SLC71A2: variants seen among roughly 807,000 people sequenced by gnomAD.
The protein encoded by SLC71A2 is hippocampus abundant transcript-like 1.
the SLC71A2 span, chr9:94,459,409 G>A: frequency 6.2e-7 from 1 of 1,613,522 alleles, no homozygotes; most frequent in Non-Finnish European, 8.5e-7. Context: ...GCACTGAGCT[G>A]TAAACTCGGC....
At chr9:94,375,204 C>T in the SLC71A2 span, among the ~76,000 whole-genome samples, 1 of 151,940 alleles carries the variant, frequency 6.6e-6, no homozygotes, top group Admixed American at 6.5e-5. Flanking sequence ...GTTCTCCGTC[C>T]CTGTAACAGT....
chr9:94,456,672 TAATGAAA>T, the SLC71A2 span, among the ~76,000 whole-genome samples: 1 of 152,208 alleles, frequency 6.6e-6, no homozygotes, highest in South Asian at 2.1e-4. Flanking sequence ...GTCTATTAAA[TAATGAAA>T]AACCAGTTAA....
At chr9:94,459,595 CTTTT>C in the SLC71A2 span, 7 of 457,696 alleles carry the variant, frequency 1.5e-5, no homozygotes, top group Admixed American at 1.9e-4. Context: ...CTCTTACATT[CTTTT>C]TTTTTTTCCT....
At chr9:94,456,180 C>A in the SLC71A2 span, 1 of 1,177,174 alleles carries the variant, frequency 8.5e-7, no homozygotes, top group Non-Finnish European at 1.3e-6. Context: ...GATTGCATTC[C>A]GAATAGTGAG....
the SLC71A2 span, among the ~76,000 whole-genome samples, chr9:94,415,991 G>A: frequency 2.6e-5 from 4 of 152,176 alleles, no homozygotes; most frequent in Non-Finnish European, 5.9e-5. Context: ...TTGTAGGAGT[G>A]TCTAAATTTC....
At chr9:94,429,673 TTTAA>T in the SLC71A2 span, among the ~76,000 whole-genome samples, 1 of 152,118 alleles carries the variant, frequency 6.6e-6, no homozygotes, top group East Asian at 1.9e-4. Flanking sequence ...AGCCACTTGA[TTTAA>T]TTAGTCTTAA....
At chr9:94,456,429 C>A in the SLC71A2 span, 1 of 911,250 alleles carries the variant, frequency 1.1e-6, no homozygotes, top group Non-Finnish European at 1.8e-6. Context: ...CCATCAACAG[C>A]AGGAGCCGAC....
chr9:94,459,367 G>T, the SLC71A2 span: 2 of 1,614,104 alleles, frequency 1.2e-6, no homozygotes, highest in South Asian at 1.1e-5. Context: ...GCATCTGGGA[G>T]CTCTCTTCAT....
At chr9:94,416,050 T>C in the SLC71A2 span, among the ~76,000 whole-genome samples, 1 of 152,244 alleles carries the variant, frequency 6.6e-6, no homozygotes. Context: ...TGGTATTGAA[T>C]ATCTTAGCAA....
the SLC71A2 span, among the ~76,000 whole-genome samples, chr9:94,416,894 T>C: frequency 2.6e-5 from 4 of 152,082 alleles, no homozygotes; most frequent in African/African-American, 9.6e-5. Context: ...ATTAAAATTA[T>C]AACTTGGGTG....
the SLC71A2 span, among the ~76,000 whole-genome samples, chr9:94,386,526 T>C: frequency 2.0e-5 from 3 of 151,938 alleles, no homozygotes; most frequent in Non-Finnish European, 4.4e-5. Flanking sequence ...GTCACATGCA[T>C]GTGCTTATCA....
the SLC71A2 span, among the ~76,000 whole-genome samples, chr9:94,394,915 G>GTTT: frequency 4.7e-3 from 300 of 64,218 alleles, 46 homozygotes; most frequent in African/African-American, 9.3e-3. Context: ...TACTTTTTTT[G>GTTT]TTTTTTTTTT....
the SLC71A2 span, among the ~76,000 whole-genome samples, chr9:94,379,386 CTT>C: frequency 4.9e-4 from 63 of 127,588 alleles, no homozygotes; most frequent in Admixed American, 6.3e-4. Context: ...GCGCCTGGCC[CTT>C]TTTTTTTTTT....
At chr9:94,446,261 C>A in the SLC71A2 span, among the ~76,000 whole-genome samples, 1 of 152,188 alleles carries the variant, frequency 6.6e-6, no homozygotes, top group Non-Finnish European at 1.5e-5. Context: ...CCATTTTGTT[C>A]TATTCAACAA....
At chr9:94,401,139 A>G in the SLC71A2 span, among the ~76,000 whole-genome samples, 2 of 151,664 alleles carry the variant, frequency 1.3e-5, no homozygotes, top group Non-Finnish European at 2.9e-5. Flanking sequence ...GTCAACTGCA[A>G]TAGAAAAGAG....
At chr9:94,378,491 G>C in the SLC71A2 span, among the ~76,000 whole-genome samples, 1 of 151,976 alleles carries the variant, frequency 6.6e-6, no homozygotes, top group Non-Finnish European at 1.5e-5. Context: ...AGCCGGGTGT[G>C]ATGGTGCATA....
chr9:94,459,011 T>A, the SLC71A2 span: 2 of 820,796 alleles, frequency 2.4e-6, no homozygotes, highest in Admixed American at 2.5e-5. Flanking sequence ...CAAGCTCTAG[T>A]GGAGTTTGCC....
the SLC71A2 span, among the ~76,000 whole-genome samples, chr9:94,423,379 G>T: frequency 6.6e-6 from 1 of 151,676 alleles, no homozygotes; most frequent in African/African-American, 2.4e-5. Flanking sequence ...CAAGCCACGT[G>T]TGCCCTGCAT....
At chr9:94,396,080 G>A in the SLC71A2 span, among the ~76,000 whole-genome samples, 1 of 151,750 alleles carries the variant, frequency 6.6e-6, no homozygotes, top group East Asian at 1.9e-4. Flanking sequence ...AAGCTATAGG[G>A]ATATGGCAGT....
Sources: gnomAD v4.1 joint callset for allele counts (sites outside exome capture counted in the v4.1 genomes callset) on GRCh38, gnomAD v4.1.1 for gene constraint, MANE v1.5 for transcripts, NCBI Gene and HGNC (gene_info 2026-07-23, HGNC 2026-07-21) for gene names.